The following MYO1D variants were observed in gnomAD, a reference collection of about 807,000 sequenced individuals.
MYO1D encodes the protein unconventional myosin-Id.
In MYO1D, 83 loss-of-function variants were observed where a neutral mutation model predicts 122.0. The ratio of observed to expected loss-of-function variants is 0.68; its 90% CI spans 0.57 to 0.82. The LOEUF (loss-of-function observed/expected upper bound fraction) is 0.82. MYO1D is among the 40% of genes least tolerant of loss of function. The pLI is 0.00. For missense variants in MYO1D, 1,157 were observed against 1,269.5 expected, an observed-to-expected ratio of 0.91 and a Z score of 1.35; for synonymous variants, 464 against 446.9, an observed-to-expected ratio of 1.04 and a Z score of -0.48.
At chr17:32,756,172 C>T (rs1039347355) in intron 10 of MYO1D, 13 of 222,652 alleles carry the variant, frequency 5.8e-5, no homozygotes, top group Admixed American at 1.2e-4. Context: ...ATGTTCATAA[C>T]GATGGCTGCA....
intron 14 of MYO1D, among the ~76,000 whole-genome samples, chr17:32,731,996 A>C (rs763627483): frequency 2.0e-5 from 3 of 152,224 alleles, no homozygotes; most frequent in African/African-American, 4.8e-5. Flanking sequence ...ATTTCAGAGC[A>C]AAGTTGAGGC....
intron 1 of MYO1D, among the ~76,000 whole-genome samples, chr17:32,833,111 A>C (rs1201936623): frequency 6.6e-6 from 1 of 152,126 alleles, no homozygotes; most frequent in African/African-American, 2.4e-5. Flanking sequence ...TAGCATTTCT[A>C]CTTGGATGTC....
Position 32,738,343 on chromosome 17 carries a change from C to T in MYO1D, c.1656G>A (p.Leu552=). The change falls in exon 14 of 22, where the codon CTG becomes CTA. Residue 552 remains leucine (L), a synonymous_variant. Transcript: ENST00000318217. ...VLKNMWPEGK[L]SITEVTKRPL... is the part of the protein sequence containing the mutation. ...GTCGCTTGGTCACCTCTGTAATGCTCAGTTTGCCTTCAGGCCACATATTCT... is the reference window on the plus strand; with the variant it reads ...GTCGCTTGGTCACCTCTGTAATGCTTAGTTTGCCTTCAGGCCACATATTCT... 5 of 1,605,626 alleles carry T rather than the reference C, an allele frequency of 3.1e-6. No individual in the cohort carries two copies. Among genetic ancestry groups the T allele is most frequent in the Non-Finnish European group, 4.3e-6 (5 of 1,176,334 alleles).
chr17:32,523,835 G>A (rs962289888), intron 21 of MYO1D, among the ~76,000 whole-genome samples: 1 of 150,886 alleles, frequency 6.6e-6, no homozygotes, highest in African/African-American at 2.4e-5. Flanking sequence ...TGGAGTGAGA[G>A]TGGTCGGGGC....
At position 32,782,486 on chromosome 17, in the gene MYO1D, T is replaced by C. The variant is rs911149479; in HGVS notation, c.96-1702A>G. ...AATTATACCCCTCTACCCTCGGACA[T>C]TGAATAAGTACTTTTTAAAAAAGAT... On this transcript the variant is annotated intron_variant, in intron 1 of 21. Transcript: ENST00000318217. Among the ~76,000 whole-genome samples, 30 of 152,242 alleles carry C rather than the reference T, an allele frequency of 2.0e-4. 1 individual carries two copies. Among genetic ancestry groups the C allele is most frequent in the Admixed American group, 2.0e-3 (30 of 15,286 alleles).
intron 16 of MYO1D, among the ~76,000 whole-genome samples, chr17:32,698,321 C>T (rs1282417565): frequency 6.9e-5 from 7 of 101,110 alleles, no homozygotes; most frequent in Non-Finnish European, 1.3e-4. Context: ...TTCCCTCCTT[C>T]CTTCCTTCTT....
intron 21 of MYO1D, among the ~76,000 whole-genome samples, chr17:32,548,806 C>T (rs947281512): frequency 2.6e-5 from 4 of 151,068 alleles, no homozygotes; most frequent in Non-Finnish European, 5.9e-5. Flanking sequence ...CTCTGCCTCC[C>T]GGGTTCAAGC....
chr17:32,503,247 GCCC>G (rs1309164175), intron 21 of MYO1D, among the ~76,000 whole-genome samples: 1 of 152,186 alleles, frequency 6.6e-6, no homozygotes, highest in Non-Finnish European at 1.5e-5. Flanking sequence ...TCCCATCCAG[GCCC>G]CTGGTCAGCT....
chr17:32,862,342 C>T (rs1338273693), intron 1 of MYO1D, among the ~76,000 whole-genome samples: 1 of 152,240 alleles, frequency 6.6e-6, no homozygotes, highest in Admixed American at 6.5e-5. Context: ...CCGTGTCTAT[C>T]TGGGTTGCTC....
intron 1 of MYO1D, among the ~76,000 whole-genome samples, chr17:32,800,275 T>C (rs531464353): frequency 1.3e-5 from 2 of 152,276 alleles, no homozygotes; most frequent in African/African-American, 4.8e-5. Context: ...AGCCAAGATA[T>C]AGAAACAATC....
intron 19 of MYO1D, among the ~76,000 whole-genome samples, chr17:32,646,693 ACT>A (rs1299212481): frequency 2.6e-5 from 4 of 152,324 alleles, no homozygotes; most frequent in African/African-American, 9.6e-5. Flanking sequence ...GTATGAAAAC[ACT>A]GTTTGAAAAT....
intron 14 of MYO1D, 59 bp downstream of exon 14, chr17:32,738,194 T>C: frequency 6.9e-7 from 1 of 1,443,172 alleles, no homozygotes; most frequent in East Asian, 2.3e-5. Flanking sequence ...ACATTCTTTA[T>C]AATACATCAA....
intron 21 of MYO1D, among the ~76,000 whole-genome samples, chr17:32,548,259 C>T (rs535604423): frequency 3.9e-4 from 59 of 151,566 alleles, no homozygotes; most frequent in Admixed American, 1.9e-3. Flanking sequence ...TATTTTTTGT[C>T]TCTACAAAAA....
intron 16 of MYO1D, among the ~76,000 whole-genome samples, chr17:32,671,448 CT>C (rs1391248190): frequency 2.6e-5 from 4 of 152,210 alleles, no homozygotes; most frequent in African/African-American, 9.6e-5. Flanking sequence ...CATTTGGGCG[CT>C]GGGGCGAAAG....
intron 20 of MYO1D, among the ~76,000 whole-genome samples, chr17:32,628,307 G>C (rs1247861735): frequency 6.6e-6 from 1 of 152,094 alleles, no homozygotes; most frequent in Non-Finnish European, 1.5e-5. Flanking sequence ...CCTAACCTTA[G>C]TGTGCAATAT....
chr17:32,786,601 C>G (rs2090296607), intron 1 of MYO1D, among the ~76,000 whole-genome samples: 1 of 152,228 alleles, frequency 6.6e-6, no homozygotes. Flanking sequence ...GAGTGGATCA[C>G]CTGAGGTCAG....
chr17:32,568,875 C>T (rs989172787), intron 21 of MYO1D, among the ~76,000 whole-genome samples: 2 of 152,212 alleles, frequency 1.3e-5, no homozygotes, highest in African/African-American at 4.8e-5. Flanking sequence ...ATTACAGGTC[C>T]AGCCTCTATG....
chr17:32,677,536 G>A (rs2088831209), intron 16 of MYO1D, among the ~76,000 whole-genome samples: 1 of 148,548 alleles, frequency 6.7e-6, no homozygotes, highest in Non-Finnish European at 1.5e-5. Context: ...AAACAGAGGT[G>A]TAAAAAGTCA....
intron 1 of MYO1D, among the ~76,000 whole-genome samples, chr17:32,807,257 A>C (rs1382469305): frequency 1.3e-5 from 2 of 152,174 alleles, no homozygotes; most frequent in Admixed American, 6.5e-5. Context: ...TAAAAATTAC[A>C]GTAAAAATAT....
Sources: gnomAD v4.1 joint callset for allele counts (sites outside exome capture counted in the v4.1 genomes callset) on GRCh38, gnomAD v4.1.1 for gene constraint, MANE v1.5 for transcripts, NCBI Gene and HGNC (gene_info 2026-07-23, HGNC 2026-07-21) for gene names.